Variants in LZIC observed in about 807,000 individuals in gnomAD.
LZIC encodes the protein leucine zipper and CTNNBIP1 domain containing.
LZIC carries 28 observed loss-of-function variants against 25.4 expected under a neutral mutation model. That is an observed-to-expected ratio of 1.10 (90% CI 0.82 to 1.51). The LOEUF is 1.51. Ranked by LOEUF, LZIC falls within the 40% of genes most tolerant of loss-of-function variation. The pLI, the probability that LZIC is intolerant of heterozygous loss-of-function variation, is 0.00. For synonymous variants in LZIC, 65 were observed against 70.7 expected (o/e 0.92, Z 0.40); for missense variants, 170 against 211.1 (o/e 0.81, Z 1.21).
chr1:9,932,777 G>A lies in LZIC; in HGVS notation c.432+26C>T, dbSNP rs779595041. The A allele has an allele frequency of 1.5e-5, 19 of 1,299,948 alleles. No individual in the cohort carries two copies. The African/African-American group carries it at 2.5e-4, about 17-fold the overall frequency. The allele number at this position is 1,299,948 out of a possible 1,614,324, so 80.5% of individuals were successfully genotyped here. A position where few individuals can be genotyped will look rare whatever the true frequency, so the allele number is the denominator to read the frequency against. Reference sequence around the variant, plus strand: ...ACCAAATAATTCATACTTTTTCTTTGTAACTAATATATTAAATACTGGTAC... The same window carrying A: ...ACCAAATAATTCATACTTTTTCTTTATAACTAATATATTAAATACTGGTAC... On this transcript the variant is annotated intron_variant, in intron 6 of 7. Transcript: ENST00000377223.
chr1:9,934,807 CA>C lies in LZIC; in HGVS notation c.290del (p.Leu97CysfsTer14). The C allele has an allele frequency of 6.2e-7, 1 of 1,614,114 alleles. No individual in the cohort carries two copies. Among genetic ancestry groups the C allele is most frequent in the Non-Finnish European group, 8.5e-7 (1 of 1,180,018 alleles). On this transcript the variant is annotated frameshift_variant, in exon 5 of 8. Coordinates refer to ENST00000377223, the MANE Select transcript of LZIC (RefSeq NM_032368.5). LOFTEE classifies it high-confidence loss of function. ...GCTGACCTGGTTGTTTCTTTGCAAA[CA>C]ATCTGATGACCTCTGGGGTTTTAAA... ...QAFKTPEVIR[L>X]FAKKQPGQLR...
At position 9,929,577 on chromosome 1, in the gene LZIC, G is replaced by T; in HGVS notation, c.*822C>A. 1.0e-6 allele frequency: 1 copy of T among 985,372 alleles called. No homozygotes were observed. Among genetic ancestry groups the T allele is most frequent in the Non-Finnish European group, 1.2e-6 (1 of 829,928 alleles). 61.0% of individuals were successfully genotyped at this position (985,372 alleles called of 1,614,324 possible). ...GGAGGGCCTCTAGCTGCCATTTCCT[G>T]TTGCTTCCCTGGTCAAACAACGCAG... On this transcript the variant is annotated 3_prime_UTR_variant, in exon 8 of 8. Transcript: ENST00000377223.
rs1456898778 is a variant in LZIC at position 9,930,392 on chromosome 1, C to T, written c.*7G>A. On this transcript the variant is annotated 3_prime_UTR_variant, in exon 8 of 8. Transcript: ENST00000377223. The stretch of plus-strand genomic sequence containing the variant: ...ATGTGATCAATGTTACAAGCTTCTG[C>T]ACCATGTCATTTTTTTGTTTTTTCA... 12 of 1,613,158 alleles carry T rather than the reference C, an allele frequency of 7.4e-6. No individual in the cohort carries two copies. Among genetic ancestry groups the T allele is most frequent in the Non-Finnish European group, 9.3e-6 (11 of 1,179,418 alleles).
intron 2 of LZIC, among the ~76,000 whole-genome samples, chr1:9,941,457 A>C (rs1263070744): frequency 6.6e-6 from 1 of 151,340 alleles, no homozygotes; most frequent in Non-Finnish European, 1.5e-5. Flanking sequence ...AGCCTCCCAA[A>C]ATGCTGGGAT....
downstream of LZIC, among the ~76,000 whole-genome samples, chr1:9,925,761 TG>T (rs1345795356): frequency 6.6e-6 from 1 of 151,822 alleles, no homozygotes; most frequent in Non-Finnish European, 1.5e-5. Flanking sequence ...GGATAACTTT[TG>T]TATCTTTAGT....
Position 9,934,775 on chromosome 1 carries a change from G to T in LZIC, c.323C>A (p.Thr108Lys). The T allele has an allele frequency of 6.2e-7, 1 of 1,613,900 alleles. No homozygotes were observed. The highest frequency in any genetic ancestry group is 8.5e-7 in the Non-Finnish European group (1 of 1,179,852). ...FAKKQPGQLRTRLAEMDRDLM... is the reference protein window; with the variant it reads ...FAKKQPGQLRKRLAEMDRDLM... The stretch of plus-strand genomic sequence containing the variant: ...AAGAAATTTTACCTCTGCTAACCTT[G>T]TCCGAAGCTGACCTGGTTGTTTCTT... The change falls in exon 5 of 8, where the codon ACA (threonine) becomes AAA (lysine). Residue 108 changes from threonine (T) to lysine (K), a missense_variant. Physicochemically the swap from Thr to Lys is moderately conservative, Grantham distance 78. Coordinates refer to ENST00000377223, the MANE Select transcript of LZIC (RefSeq NM_032368.5).
At chr1:9,940,545 C>T (rs1456876786) in intron 2 of LZIC, among the ~76,000 whole-genome samples, 1 of 151,964 alleles carries the variant, frequency 6.6e-6, no homozygotes, top group Non-Finnish European at 1.5e-5. Flanking sequence ...GTCTCAATCT[C>T]CTGACCTCGT....
chr1:9,924,356 TA>T (rs1639930340), downstream of LZIC, among the ~76,000 whole-genome samples: 1 of 151,356 alleles, frequency 6.6e-6, no homozygotes, highest in Non-Finnish European at 1.5e-5. Context: ...TTATTTTATT[TA>T]TTTATTTATT....
rs1570629169 is a variant in LZIC at position 9,930,517 on chromosome 1, G to A, written c.515-60C>T. The A allele has an allele frequency of 1.2e-5, 20 of 1,601,110 alleles. No homozygotes were observed. In the East Asian group the frequency reaches 4.5e-4, roughly 36 times the overall value. Reference sequence around the variant, plus strand: ...ATTTCAAGTGCAGTTGCAATTCCTGGTAAAGTGGGAAAAAATCTATCATAT... The same window carrying A: ...ATTTCAAGTGCAGTTGCAATTCCTGATAAAGTGGGAAAAAATCTATCATAT... On this transcript the variant is annotated intron_variant, in intron 7 of 7. Transcript: ENST00000377223.
chr1:9,925,356 A>G (rs552619928), downstream of LZIC, among the ~76,000 whole-genome samples: 1 of 152,228 alleles, frequency 6.6e-6, no homozygotes, highest in African/African-American at 2.4e-5. Flanking sequence ...TACCAGCATT[A>G]TCTTCACTCT....
At chr1:9,943,086 G>C (rs1640843284) in intron 1 of LZIC, 163 bp downstream of exon 1, 1 of 216,724 alleles carries the variant, frequency 4.6e-6, no homozygotes, top group Non-Finnish European at 9.8e-6. Context: ...AGAACCAACA[G>C]GACTGGGTGA....
intron 2 of LZIC, among the ~76,000 whole-genome samples, chr1:9,941,731 T>A (rs1410846570): frequency 6.7e-6 from 1 of 150,180 alleles, no homozygotes; most frequent in African/African-American, 2.5e-5. Flanking sequence ...TCTCTTGCCC[T>A]CGTGATCTGC....
At chr1:9,938,414 G>C (rs1640552210) in intron 2 of LZIC, among the ~76,000 whole-genome samples, 1 of 152,158 alleles carries the variant, frequency 6.6e-6, no homozygotes, top group African/African-American at 2.4e-5. Flanking sequence ...TCCCACCTCA[G>C]CCTCCCAAAA....
chr1:9,925,639 G>A (rs1639961952), downstream of LZIC, among the ~76,000 whole-genome samples: 1 of 152,042 alleles, frequency 6.6e-6, no homozygotes, highest in African/African-American at 2.4e-5. Context: ...GCCCAGGCTG[G>A]AATGCAGTGA....
chr1:9,925,962 C>T (rs141805716), downstream of LZIC, among the ~76,000 whole-genome samples: 613 of 133,980 alleles, frequency 4.6e-3, 5 homozygotes, highest in African/African-American at 0.016. Flanking sequence ...TGTGCAATCT[C>T]GGCTCACTGC....
At chr1:9,937,350 G>A (rs1383897634) in intron 2 of LZIC, among the ~76,000 whole-genome samples, 3 of 151,018 alleles carry the variant, frequency 2.0e-5, no homozygotes, top group Non-Finnish European at 4.4e-5. Flanking sequence ...CCGAGATCAC[G>A]CCACTGCACT....
chr1:9,940,508 C>T (rs1640665617), intron 2 of LZIC, among the ~76,000 whole-genome samples: 1 of 151,146 alleles, frequency 6.6e-6, no homozygotes, highest in Non-Finnish European at 1.5e-5. Flanking sequence ...TTAGTAGAGA[C>T]AGGGTTTCAC....
chr1:9,933,161 C>T (rs1029006644), intron 5 of LZIC, among the ~76,000 whole-genome samples: 16 of 143,468 alleles, frequency 1.1e-4, no homozygotes, highest in Admixed American at 7.3e-4. Flanking sequence ...AGGCTGAGGC[C>T]GGAGAATGGT....
intron 6 of LZIC, among the ~76,000 whole-genome samples, chr1:9,932,422 G>A (rs572382204): frequency 2.0e-5 from 3 of 150,600 alleles, no homozygotes; most frequent in South Asian, 4.2e-4. Flanking sequence ...TTGGGAGGCC[G>A]ATGTAATCCC....
Sources: gnomAD v4.1 joint callset for allele counts (sites outside exome capture counted in the v4.1 genomes callset) on GRCh38, gnomAD v4.1.1 for gene constraint, MANE v1.5 for transcripts, NCBI Gene and HGNC (gene_info 2026-07-23, HGNC 2026-07-21) for gene names.